The following ZNF618 variants were observed in gnomAD, a reference collection of about 807,000 sequenced individuals.
The protein encoded by ZNF618 is neural precursor cell expressed, developmentally down-regulated 10.
A neutral mutation model predicts 103.0 loss-of-function variants in ZNF618; 34 were observed. The observed-to-expected ratio is 0.33, with a 90% CI of 0.25 to 0.44. The LOEUF (loss-of-function observed/expected upper bound fraction) is 0.44. Ranked by LOEUF, ZNF618 falls within the 20% of genes least tolerant of loss-of-function variation. The probability of loss-of-function intolerance (pLI) is 1.00; values close to 1 mark genes in which losing one functional copy is unlikely to be tolerated. For synonymous variants in ZNF618, 551 were observed against 542.2 expected, an observed-to-expected ratio of 1.02 and a Z score of -0.23; for missense variants, 1,059 against 1,295.4, an observed-to-expected ratio of 0.82 and a Z score of 2.80.
intron 1 of ZNF618, among the ~76,000 whole-genome samples, chr9:113,922,015 A>G (rs1039879254): frequency 3.3e-5 from 5 of 152,334 alleles, no homozygotes; most frequent in African/African-American, 2.4e-5. Context: ...CCATGCAGAG[A>G]TAATCACTTT....
intron 13 of ZNF618, among the ~76,000 whole-genome samples, chr9:114,047,321 C>T (rs1287951902): frequency 1.3e-5 from 2 of 152,148 alleles, no homozygotes; most frequent in African/African-American, 4.8e-5. Context: ...TTCTTATATC[C>T]GAGCTTCAGT....
chr9:113,920,251 G>A (rs753859708), intron 1 of ZNF618, among the ~76,000 whole-genome samples: 15 of 152,294 alleles, frequency 9.8e-5, no homozygotes, highest in Middle Eastern at 3.4e-3. Flanking sequence ...GGCTATTGGC[G>A]TGGAGCCCTT....
At chr9:113,944,201 G>A (rs866015815) in intron 1 of ZNF618, among the ~76,000 whole-genome samples, 2 of 152,338 alleles carry the variant, frequency 1.3e-5, no homozygotes, top group South Asian at 4.1e-4. Flanking sequence ...AGCCCTTGAT[G>A]TGGGCTTTTC....
chr9:114,048,060 C>T (rs1172338170), intron 14 of ZNF618, 66 bp downstream of exon 14: 4 of 1,321,636 alleles, frequency 3.0e-6, no homozygotes, highest in Admixed American at 2.1e-5. Context: ...CTCTCTGCCC[C>T]CCATTCCCAC....
At chr9:113,964,750 C>CTTTTTTTTTT (rs765191153) in intron 1 of ZNF618, among the ~76,000 whole-genome samples, 10 of 98,462 alleles carry the variant, frequency 1.0e-4, no homozygotes, top group Non-Finnish European at 1.7e-4. Flanking sequence ...CTCCTTTCTG[C>CTTTTTTTTTT]TTTTTTTTTT....
chr9:113,941,382 C>A (rs1834534132), intron 1 of ZNF618, among the ~76,000 whole-genome samples: 1 of 152,226 alleles, frequency 6.6e-6, no homozygotes, highest in African/African-American at 2.4e-5. Flanking sequence ...TTTCCAGTTA[C>A]TGTTTAGACT....
chr9:113,981,802 C>G (rs1013657085), intron 2 of ZNF618, among the ~76,000 whole-genome samples: 1 of 152,234 alleles, frequency 6.6e-6, no homozygotes, highest in Non-Finnish European at 1.5e-5. Flanking sequence ...GTGACCTTGG[C>G]CATGCCTTTC....
chr9:114,040,876 T>G (rs1460872724), intron 13 of ZNF618, among the ~76,000 whole-genome samples: 1 of 152,278 alleles, frequency 6.6e-6, no homozygotes, highest in Non-Finnish European at 1.5e-5. Flanking sequence ...AAATGGTGTT[T>G]CTAGTTCTAG....
At chr9:114,042,502 A>G (rs1845289100) in intron 13 of ZNF618, among the ~76,000 whole-genome samples, 2 of 152,056 alleles carry the variant, frequency 1.3e-5, no homozygotes, top group African/African-American at 2.4e-5. Context: ...ACAACATAGC[A>G]TGACCCTGTG....
Position 113,916,975 on chromosome 9 carries a change from G to A in ZNF618, c.33+40562G>A, listed in dbSNP as rs896379621. Among the ~76,000 whole-genome samples, 8 of 152,214 alleles carry A rather than the reference G, an allele frequency of 5.3e-5. No individual in the cohort carries two copies. The South Asian group carries it at 1.0e-3, about 20-fold the overall frequency. On this transcript the variant is annotated intron_variant, in intron 1 of 14. Transcript: ENST00000374126. Reference sequence around the variant, plus strand: ...ATGCTACTCTGCCAAGCCTTTGGGCGGCTAATCTGGCATCTTGTTCAGAAG... The same window carrying A: ...ATGCTACTCTGCCAAGCCTTTGGGCAGCTAATCTGGCATCTTGTTCAGAAG...
At position 114,052,435 on chromosome 9, in the gene ZNF618, C is replaced by CT. The variant is rs1216697903; in HGVS notation, c.*2269dup. 14 of 152,694 alleles carry CT rather than the reference C, an allele frequency of 9.2e-5. No individual in the cohort carries two copies. Among genetic ancestry groups the CT allele is most frequent in the Non-Finnish European group, 1.9e-4 (13 of 68,104 alleles). The allele number at this position is 152,694 out of a possible 1,614,324, so 9.5% of individuals were successfully genotyped here. A position where few individuals can be genotyped will look rare whatever the true frequency, so the allele number is the denominator to read the frequency against. On this transcript the variant is annotated 3_prime_UTR_variant, in exon 15 of 15. Transcript: ENST00000374126. ...TATCAGAGAAGAGCCGCCATCCACA[C>CT]TGGAGCAGGAACAGGGAGAAATCCA...
intron 3 of ZNF618, among the ~76,000 whole-genome samples, chr9:113,995,776 A>G (rs1840528313): frequency 1.3e-5 from 2 of 152,028 alleles, no homozygotes; most frequent in East Asian, 3.9e-4. Context: ...CATTAGATCC[A>G]CTCACTTTCT....
At chr9:113,977,394 G>A (rs1456532324) in intron 2 of ZNF618, among the ~76,000 whole-genome samples, 1 of 152,176 alleles carries the variant, frequency 6.6e-6, no homozygotes, top group Admixed American at 6.5e-5. Flanking sequence ...TGAACAGAGG[G>A]AGTGTGTTTA....
At chr9:113,916,027 CTT>C (rs1441159257) in intron 1 of ZNF618, among the ~76,000 whole-genome samples, 3 of 151,932 alleles carry the variant, frequency 2.0e-5, no homozygotes, top group African/African-American at 7.3e-5. Context: ...AGTATTATCT[CTT>C]TGTGCTGACA....
chr9:113,925,415 C>T (rs1212501986), intron 1 of ZNF618, among the ~76,000 whole-genome samples: 7 of 144,200 alleles, frequency 4.9e-5, no homozygotes, highest in Admixed American at 4.8e-4. Context: ...AAGTGAGTTT[C>T]TTATAGACAG....
chr9:113,955,312 C>A (rs1836175486), intron 1 of ZNF618, among the ~76,000 whole-genome samples: 1 of 150,588 alleles, frequency 6.6e-6, no homozygotes, highest in Non-Finnish European at 1.5e-5. Context: ...ACCCCACCCC[C>A]ACACTGCAAA....
intron 1 of ZNF618, among the ~76,000 whole-genome samples, chr9:113,950,986 G>A (rs1252619291): frequency 6.6e-6 from 1 of 150,454 alleles, no homozygotes; most frequent in Admixed American, 6.6e-5. Context: ...CTGAGGAGGA[G>A]GAGTGGGAGG....
chr9:113,938,225 A>G lies in ZNF618; in HGVS notation c.34-30892A>G, dbSNP rs1235033148. 3.1e-5 allele frequency among the ~76,000 whole-genome samples: 4 copies of G among 127,504 alleles called. No individual in the cohort carries two copies. The Admixed American group carries it at 4.0e-4, about 13-fold the overall frequency. The allele number at this position is 127,504 out of a possible 152,430, so 83.6% of individuals were successfully genotyped here. On this transcript the variant is annotated intron_variant, in intron 1 of 14. Transcript: ENST00000374126. Reference sequence around the variant, plus strand: ...TGCTCTGTTGCCCAGGCTGGAGTGCAGTGCCATGATCATAGCTCACTGCAG... The same window carrying G: ...TGCTCTGTTGCCCAGGCTGGAGTGCGGTGCCATGATCATAGCTCACTGCAG...
intron 3 of ZNF618, among the ~76,000 whole-genome samples, chr9:113,989,263 G>A (rs1341974447): frequency 1.3e-5 from 2 of 152,362 alleles, no homozygotes; most frequent in East Asian, 1.9e-4. Flanking sequence ...GGCACGCCGC[G>A]TGTGTGGAGG....
Sources: allele counts gnomAD v4.1 joint callset (sites outside exome capture counted in the v4.1 genomes callset), GRCh38; gene constraint gnomAD v4.1.1; transcripts MANE v1.5; gene names NCBI Gene and HGNC (gene_info 2026-07-23, HGNC 2026-07-21).